Variants in KIAA1217 observed in about 807,000 individuals in gnomAD.
The protein encoded by KIAA1217 is sickle tail protein homolog.
A neutral mutation model predicts 163.9 loss-of-function variants in KIAA1217; 88 were observed. That is an observed-to-expected ratio of 0.54 (90% CI 0.45 to 0.64). The LOEUF is 0.64. KIAA1217 is among the 30% of genes least tolerant of loss of function. KIAA1217 has a pLI of 0.00. For synonymous variants in KIAA1217, 903 were observed against 923.1 expected (o/e 0.98, Z 0.39); for missense variants, 2,372 against 2,475.0 (o/e 0.96, Z 0.88).
At chr10:24,489,915 A>C (rs2065902214) in intron 6 of KIAA1217, among the ~76,000 whole-genome samples, 1 of 151,518 alleles carries the variant, frequency 6.6e-6, no homozygotes, top group Non-Finnish European at 1.5e-5. Flanking sequence ...TTGGCTAAAA[A>C]TCATCCCCTA....
intron 1 of KIAA1217, among the ~76,000 whole-genome samples, chr10:23,979,883 T>A (rs1845694042): frequency 6.6e-6 from 1 of 152,332 alleles, no homozygotes; most frequent in Non-Finnish European, 1.5e-5. Context: ...TGTTCCTTAT[T>A]TCTCATATCT....
At chr10:24,071,754 A>G (rs2061193905) in intron 2 of KIAA1217, among the ~76,000 whole-genome samples, 1 of 152,230 alleles carries the variant, frequency 6.6e-6, no homozygotes, top group Admixed American at 6.5e-5. Context: ...GACTGCAGCA[A>G]TGACCCTGAA....
At chr10:23,774,565 T>A (rs1457909601) in intron 1 of KIAA1217, among the ~76,000 whole-genome samples, 2 of 152,154 alleles carry the variant, frequency 1.3e-5, no homozygotes, top group Non-Finnish European at 2.9e-5. Flanking sequence ...CTCTTGAGGA[T>A]GGAAATGCAT....
intron 1 of KIAA1217, among the ~76,000 whole-genome samples, chr10:23,707,879 G>A (rs1191066474): frequency 6.6e-6 from 1 of 152,068 alleles, no homozygotes; most frequent in East Asian, 1.9e-4. Context: ...GAGACTCAAA[G>A]TGGAGGCAAG....
Position 24,540,341 on chromosome 10 carries a change from C to A in KIAA1217, c.3535-2352C>A, listed in dbSNP as rs143312689. Among the ~76,000 whole-genome samples the A allele has an allele frequency of 2.6e-5, 4 of 152,326 alleles. No individual in the cohort carries two copies. The South Asian group carries it at 8.3e-4, about 32-fold the overall frequency. On this transcript the variant is annotated intron_variant, in intron 17 of 20. Transcript: ENST00000376454. ...CTCCGCCTCCTGAGTTCAAGCAATT[C>A]TCCTACCTCGGCCTCCTGAGTAGCT...
At chr10:23,856,397 T>C (rs1046241717) in intron 1 of KIAA1217, among the ~76,000 whole-genome samples, 2 of 152,194 alleles carry the variant, frequency 1.3e-5, no homozygotes, top group African/African-American at 2.4e-5. Context: ...AGTACCCGTC[T>C]GTGTGAGGTG....
chr10:23,820,717 G>C (rs909089614), intron 1 of KIAA1217, among the ~76,000 whole-genome samples: 20 of 152,144 alleles, frequency 1.3e-4, no homozygotes, highest in Non-Finnish European at 1.9e-4. Context: ...TAAAGAGAGT[G>C]GGATCTCAGA....
At chr10:24,454,121 C>T (rs141088850) in intron 5 of KIAA1217, among the ~76,000 whole-genome samples, 70 of 152,258 alleles carry the variant, frequency 4.6e-4, no homozygotes, top group Non-Finnish European at 7.6e-4. Context: ...CAAATGAATT[C>T]TAATTCCTCT....
chr10:24,104,727 A>G (rs1434935449), intron 2 of KIAA1217, among the ~76,000 whole-genome samples: 1 of 152,246 alleles, frequency 6.6e-6, no homozygotes, highest in East Asian at 1.9e-4. Context: ...TCAGATATTG[A>G]CAGTAGAAGA....
intron 1 of KIAA1217, among the ~76,000 whole-genome samples, chr10:23,861,047 G>A (rs2131134459): frequency 6.6e-6 from 1 of 151,876 alleles, no homozygotes; most frequent in Non-Finnish European, 1.5e-5. Context: ...TGAGTAATTG[G>A]AACTACAAGC....
At chr10:24,418,560 T>G (rs2058459637) in intron 3 of KIAA1217, among the ~76,000 whole-genome samples, 1 of 152,244 alleles carries the variant, frequency 6.6e-6, no homozygotes, top group Middle Eastern at 3.2e-3. Context: ...TTCACTCCTC[T>G]GTAATAACTA....
chr10:24,032,696 T>G (rs1304839630), intron 2 of KIAA1217, among the ~76,000 whole-genome samples: 3 of 152,308 alleles, frequency 2.0e-5, no homozygotes, highest in Non-Finnish European at 4.4e-5. Flanking sequence ...TAAATCTGAA[T>G]ATATATTACT....
At chr10:24,372,676 C>T (rs1014941766) in intron 2 of KIAA1217, among the ~76,000 whole-genome samples, 2 of 152,146 alleles carry the variant, frequency 1.3e-5, no homozygotes, top group South Asian at 2.1e-4. Context: ...GAATGTTACC[C>T]GTAATCCCAC....
chr10:24,207,928 A>G (rs540990550), upstream of KIAA1217, among the ~76,000 whole-genome samples: 74 of 152,160 alleles, frequency 4.9e-4, no homozygotes, highest in Non-Finnish European at 9.0e-4. Flanking sequence ...ATCTAAATCA[A>G]TCTCAAACCT....
chr10:24,520,685 C>CA (rs1457773977), intron 11 of KIAA1217, among the ~76,000 whole-genome samples: 2 of 97,934 alleles, frequency 2.0e-5, no homozygotes, highest in African/African-American at 4.4e-5. Context: ...TACACACACA[C>CA]ACAAAAAAAA....
chr10:24,490,183 A>G (rs2065934485), intron 6 of KIAA1217, among the ~76,000 whole-genome samples: 3 of 152,252 alleles, frequency 2.0e-5, no homozygotes, highest in Non-Finnish European at 1.5e-5. Context: ...CATATACACT[A>G]ATCACATAAA....
intron 2 of KIAA1217, among the ~76,000 whole-genome samples, chr10:24,042,936 A>G (rs1037062171): frequency 5.9e-5 from 9 of 152,214 alleles, no homozygotes; most frequent in African/African-American, 2.2e-4. Flanking sequence ...TTAAAAATGA[A>G]TTGTATCTGA....
At chr10:24,433,327 T>G in intron 4 of KIAA1217, 134 bp downstream of exon 4, 1 of 648,252 alleles carries the variant, frequency 1.5e-6, no homozygotes, top group Non-Finnish European at 2.6e-6. Context: ...TTGTTTTTTG[T>G]TTTTTGTTTT....
At chr10:24,488,035 G>A (rs996871340) in intron 6 of KIAA1217, among the ~76,000 whole-genome samples, 1 of 152,198 alleles carries the variant, frequency 6.6e-6, no homozygotes, top group Non-Finnish European at 1.5e-5. Context: ...AGACAGTATC[G>A]AAGGTGGAGA....
Sources: allele counts gnomAD v4.1 joint callset (sites outside exome capture counted in the v4.1 genomes callset), GRCh38; gene constraint gnomAD v4.1.1; transcripts MANE v1.5; gene names NCBI Gene and HGNC (gene_info 2026-07-23, HGNC 2026-07-21).